The following ZZEF1 variants were observed in gnomAD, a reference collection of about 807,000 sequenced individuals.
ZZEF1 encodes zinc finger ZZ-type and EF-hand domain-containing protein 1.
In ZZEF1, 157 loss-of-function variants were observed where a neutral mutation model predicts 342.8. The observed-to-expected ratio is 0.46, with a 90% CI of 0.40 to 0.52. The LOEUF (loss-of-function observed/expected upper bound fraction) is 0.52. Among genes scored for constraint, ZZEF1 ranks in the 20% least tolerant of loss-of-function variants. ZZEF1 has a pLI of 0.00. For synonymous variants in ZZEF1, 1,505 were observed against 1,429.1 expected, an observed-to-expected ratio of 1.05 and a Z score of -1.20; for missense variants, 3,480 against 3,725.6, an observed-to-expected ratio of 0.93 and a Z score of 1.72.
chr17:4,034,220 C>T lies in ZZEF1; in HGVS notation c.6379G>A (p.Gly2127Ser). 6.2e-7 allele frequency: 1 copy of T among 1,614,176 alleles called. No homozygotes were observed. Among genetic ancestry groups the T allele is most frequent in the Non-Finnish European group, 8.5e-7 (1 of 1,180,032 alleles). ...LMFQVVISNAGHLNETYHLTL... is the reference protein window; with the variant it reads ...LMFQVVISNASHLNETYHLTL... ...AGATGGTAGGTTTCATTCAGGTGGC[C>T]TGCGTTTGAGATGACAACCTGAAAC... Residue 2127 changes from glycine to serine, a missense_variant, in exon 40 of 55, where the codon GGC becomes AGC. Transcript: ENST00000381638.
At chr17:4,036,671 C>T (rs541474618) in intron 39 of ZZEF1, among the ~76,000 whole-genome samples, 3 of 150,648 alleles carry the variant, frequency 2.0e-5, no homozygotes, top group Non-Finnish European at 2.9e-5. Context: ...GCGGAGGTTG[C>T]AGTGAGCAGA....
At chr17:4,095,549 C>T (rs1365093506) in intron 11 of ZZEF1, among the ~76,000 whole-genome samples, 1 of 152,106 alleles carries the variant, frequency 6.6e-6, no homozygotes, top group Non-Finnish European at 1.5e-5. Flanking sequence ...GCAGGCTGTC[C>T]ACAATTCAGG....
intron 26 of ZZEF1, among the ~76,000 whole-genome samples, chr17:4,068,573 C>G (rs543378347): frequency 1.3e-5 from 2 of 152,250 alleles, no homozygotes; most frequent in East Asian, 3.9e-4. Flanking sequence ...AGGCGTAAAG[C>G]CACTGCACCC....
rs754346061 is a variant in ZZEF1, at chr17:4,025,166, C to A, written c.6893-48G>T. On this transcript the variant is annotated intron_variant, in intron 42 of 54. Transcript: ENST00000381638. Reference sequence around the variant, plus strand: ...AAAAGAAAGGCACAAAAGTACAGTTCATGCTTCCAGCAGCTATTTCTTCTA... The same window carrying A: ...AAAAGAAAGGCACAAAAGTACAGTTAATGCTTCCAGCAGCTATTTCTTCTA... 21 of 1,565,710 alleles carry A rather than the reference C, an allele frequency of 1.3e-5. No homozygotes were observed. In the African/African-American group the frequency reaches 2.3e-4, roughly 17 times the overall value.
Position 4,017,881 on chromosome 17 carries a change from C to T in ZZEF1, c.7596G>A (p.Gln2532=). 1 of 1,614,194 alleles carries T rather than the reference C, an allele frequency of 6.2e-7. No individual in the cohort carries two copies. Among genetic ancestry groups the T allele is most frequent in the Non-Finnish European group, 8.5e-7 (1 of 1,180,046 alleles). Residue 2532 remains glutamine, a synonymous_variant, in exon 47 of 55, where the codon CAG becomes CAA. Coordinates refer to ENST00000381638, the MANE Select transcript of ZZEF1 (RefSeq NM_015113.4). The surrounding 1 kb of genome is among the most constrained non-coding windows in gnomAD (Gnocchi z 5.1). The stretch of plus-strand genomic sequence containing the variant: ...TGTCTGTATCCACAGCTTTGGCGCT[C>T]TGTTCTTCCAGCCTCAGACTCTTAC... ...QPSKSLRLEE[Q]SAKAVDTDMI...
chr17:4,092,609 A>G (rs1392814026), intron 11 of ZZEF1, among the ~76,000 whole-genome samples: 2 of 152,124 alleles, frequency 1.3e-5, no homozygotes, highest in East Asian at 3.9e-4. Flanking sequence ...GTGCCCGGCA[A>G]AATGTCCCTT....
intron 42 of ZZEF1, 151 bp from the exon 43 acceptor site, chr17:4,025,269 T>G: frequency 1.4e-6 from 1 of 728,056 alleles, no homozygotes; most frequent in South Asian, 1.8e-5. Flanking sequence ...AAAGCCAGCT[T>G]GCAGGTAAAC....
At chr17:4,130,854 T>G (rs1470306061) in intron 1 of ZZEF1, among the ~76,000 whole-genome samples, 1 of 152,148 alleles carries the variant, frequency 6.6e-6, no homozygotes, top group Non-Finnish European at 1.5e-5. Context: ...GTGAAATTTT[T>G]TAAGACTGAG....
intron 23 of ZZEF1, among the ~76,000 whole-genome samples, 155 bp downstream of exon 23, chr17:4,074,940 CTA>C (rs1317904453): frequency 6.6e-6 from 1 of 152,254 alleles, no homozygotes; most frequent in Non-Finnish European, 1.5e-5. Context: ...AGGTGACAGA[CTA>C]TAGCTGGTCA....
At chr17:4,100,323 T>G (rs1004144203) in intron 9 of ZZEF1, among the ~76,000 whole-genome samples, 1 of 152,180 alleles carries the variant, frequency 6.6e-6, no homozygotes, top group Non-Finnish European at 1.5e-5. Context: ...TAGTGATGGC[T>G]GGAGGGAGTG....
chr17:4,108,581 A>C (rs895920353), intron 6 of ZZEF1, among the ~76,000 whole-genome samples: 1 of 152,244 alleles, frequency 6.6e-6, no homozygotes, highest in African/African-American at 2.4e-5. Context: ...AGATGGTGGC[A>C]ACATAGCAAT....
chr17:4,044,256 G>T lies in ZZEF1; in HGVS notation c.6134C>A (p.Pro2045His). ...PSCQTQISDS[P>H]ADASPPTGLP... ...TCCTGTAGGTGGGCTAGCATCTGCAGGTGAATCTGAAATTTGGGTCTGGCA... is the reference window on the plus strand; with the variant it reads ...TCCTGTAGGTGGGCTAGCATCTGCATGTGAATCTGAAATTTGGGTCTGGCA... Residue 2045 changes from proline to histidine, a missense_variant, in exon 38 of 55, where the codon CCT (proline) becomes CAT (histidine). Pro to His is a moderately conservative substitution (Grantham distance 77). Around this residue, in one of 5 missense-constraint regions of ZZEF1, gnomAD observed 1,269 missense variants for 1,342.4 expected, o/e 0.95. Coordinates refer to ENST00000381638, the MANE Select transcript of ZZEF1 (RefSeq NM_015113.4). 6.2e-7 allele frequency: 1 copy of T among 1,614,114 alleles called. No individual in the cohort carries two copies. The highest frequency in any genetic ancestry group is 2.2e-5 in the East Asian group (1 of 44,882).
chr17:4,142,958 T>G lies in ZZEF1; in HGVS notation c.-63A>C. The G allele has an allele frequency of 7.7e-7, 1 of 1,290,402 alleles. No individual in the cohort carries two copies. The highest frequency in any genetic ancestry group is 9.8e-7 in the Non-Finnish European group (1 of 1,022,904). The allele number at this position is 1,290,402 out of a possible 1,614,324, so 79.9% of individuals were successfully genotyped here. On this transcript the variant is annotated 5_prime_UTR_variant, in exon 1 of 55. Transcript: ENST00000381638. ...GCCGCCGCCTCCCCGCCTCGACCTGTCAACCTCCGACAGCAGCTGGCGGGC... is the reference window on the plus strand; with the variant it reads ...GCCGCCGCCTCCCCGCCTCGACCTGGCAACCTCCGACAGCAGCTGGCGGGC...
At chr17:4,120,994 C>T (rs1375374847) in intron 2 of ZZEF1, among the ~76,000 whole-genome samples, 1 of 152,090 alleles carries the variant, frequency 6.6e-6, no homozygotes, top group Non-Finnish European at 1.5e-5. Context: ...TAAAAATTCC[C>T]ACCACCAAAG....
intron 28 of ZZEF1, among the ~76,000 whole-genome samples, chr17:4,065,813 A>G (rs142862846): frequency 4.2e-4 from 64 of 152,288 alleles, no homozygotes; most frequent in East Asian, 1.9e-3. Flanking sequence ...TATTTCACTG[A>G]ATATTCAGTG....
rs368626179 is a variant in ZZEF1, at chr17:4,072,594, G to A, written c.3834+14C>T. On this transcript the variant is annotated intron_variant, in intron 25 of 54. Coordinates refer to ENST00000381638, the MANE Select transcript of ZZEF1 (RefSeq NM_015113.4). ...TTTCCAGTCTAAATAGAAAGAAAAC[G>A]GAAGAGTAAATACCTCCTTACTATT... The A allele has an allele frequency of 2.3e-5, 37 of 1,588,336 alleles. 1 individual carries two copies. The South Asian group carries it at 2.6e-4, about 11-fold the overall frequency.
intron 18 of ZZEF1, among the ~76,000 whole-genome samples, chr17:4,079,282 T>C (rs2057679408): frequency 6.6e-6 from 1 of 152,210 alleles, no homozygotes; most frequent in Non-Finnish European, 1.5e-5. Context: ...CGCTGAAGTT[T>C]TCTGCCCAAT....
intron 5 of ZZEF1, 69 bp downstream of exon 5, chr17:4,112,540 C>T (rs2058330656): frequency 3.4e-6 from 5 of 1,483,908 alleles, no homozygotes; most frequent in Non-Finnish European, 4.7e-6. Flanking sequence ...AACTAACAGC[C>T]TCTTCACTTC....
chr17:4,019,576 C>T (rs559321795), intron 46 of ZZEF1, 93 bp downstream of exon 46: 108 of 1,152,920 alleles, frequency 9.4e-5, no homozygotes, highest in East Asian at 1.0e-4. Context: ...GAGCGTCGAT[C>T]GATCCAGAAG....
Sources: allele counts gnomAD v4.1 joint callset (sites outside exome capture counted in the v4.1 genomes callset), GRCh38; gene constraint gnomAD v4.1.1; regional missense constraint gnomAD v4.1.1; non-coding constraint Gnocchi (gnomAD v3.1); transcripts MANE v1.5; gene names NCBI Gene and HGNC (gene_info 2026-07-23, HGNC 2026-07-21).